ARHGAP24: variants seen among roughly 807,000 people sequenced by gnomAD.
ARHGAP24 encodes the protein Rho GTPase activating protein 24, also known as rho GTPase-activating protein 24.
ARHGAP24 carries 50 observed loss-of-function variants against 76.4 expected under a neutral mutation model. That is an observed-to-expected ratio of 0.65 (90% CI 0.52 to 0.83). ARHGAP24 has a LOEUF of 0.83. ARHGAP24 is among the 40% of genes least tolerant of loss of function. The pLI, the probability that ARHGAP24 is intolerant of heterozygous loss-of-function variation, is 0.00. For synonymous variants in ARHGAP24, 345 were observed against 323.3 expected (o/e 1.07, Z -0.72); for missense variants, 930 against 914.2 (o/e 1.02, Z -0.22).
At chr4:85,676,570 G>C (rs1722988044) in intron 2 of ARHGAP24, among the ~76,000 whole-genome samples, 1 of 152,128 alleles carries the variant, frequency 6.6e-6, no homozygotes, top group Non-Finnish European at 1.5e-5. Flanking sequence ...ACTGAACAAG[G>C]AGTTAGGAAA....
chr4:85,622,923 T>A (rs574040816), intron 2 of ARHGAP24, among the ~76,000 whole-genome samples: 1 of 152,110 alleles, frequency 6.6e-6, no homozygotes, highest in Non-Finnish European at 1.5e-5. Context: ...TCATATCCTT[T>A]GCCCACTTTT....
intron 2 of ARHGAP24, among the ~76,000 whole-genome samples, chr4:85,586,042 C>T (rs1485348364): frequency 2.0e-5 from 3 of 152,178 alleles, no homozygotes; most frequent in Non-Finnish European, 4.4e-5. Flanking sequence ...TCTCCATTCT[C>T]TCTCTCAGAA....
chr4:85,557,868 A>G (rs1030073046), intron 1 of ARHGAP24, among the ~76,000 whole-genome samples: 3 of 152,094 alleles, frequency 2.0e-5, no homozygotes, highest in African/African-American at 7.2e-5. Context: ...TTTATCTTTA[A>G]TGAAGTGTAC....
chr4:85,937,101 A>G (rs1047904053), intron 4 of ARHGAP24, among the ~76,000 whole-genome samples: 2 of 152,226 alleles, frequency 1.3e-5, no homozygotes, highest in African/African-American at 4.8e-5. Flanking sequence ...TCCGATTGAA[A>G]TATTACAAAG....
chr4:85,995,328 C>A lies in ARHGAP24; in HGVS notation c.1674C>A (p.Ser558=). ...TTGACAGTGCTACCTGGTCCACTTCCTCCTGTGAAATCTCCCTCCCTGAGA... is the reference window on the plus strand; with the variant it reads ...TTGACAGTGCTACCTGGTCCACTTCATCCTGTGAAATCTCCCTCCCTGAGA... ...QSIDSATWST[S]SCEISLPENS... The change falls in exon 9 of 10, where the codon TCC becomes TCA. Residue 558 remains serine (S), a synonymous_variant. Coordinates refer to ENST00000395184, the MANE Select transcript of ARHGAP24 (RefSeq NM_001025616.3). 1 of 1,614,070 alleles carries A rather than the reference C, an allele frequency of 6.2e-7. No homozygotes were observed. Among genetic ancestry groups the A allele is most frequent in the Non-Finnish European group, 8.5e-7 (1 of 1,180,032 alleles).
At chr4:85,649,037 T>G (rs72656217) in intron 2 of ARHGAP24, among the ~76,000 whole-genome samples, 25 of 111,164 alleles carry the variant, frequency 2.2e-4, no homozygotes, top group African/African-American at 7.8e-4. Context: ...GTGTGTGTGT[T>G]TGTGTGTGTG....
chr4:85,840,323 C>A (rs1730530591), intron 3 of ARHGAP24, among the ~76,000 whole-genome samples: 1 of 152,126 alleles, frequency 6.6e-6, no homozygotes, highest in Non-Finnish European at 1.5e-5. Context: ...ACTTAAGGAA[C>A]ATAAGGAATC....
chr4:85,692,609 C>A (rs1723707767), intron 2 of ARHGAP24, among the ~76,000 whole-genome samples: 1 of 152,022 alleles, frequency 6.6e-6, no homozygotes, highest in Non-Finnish European at 1.5e-5. Flanking sequence ...TTGATCTATT[C>A]TTCTGTTAAT....
chr4:85,610,643 T>G (rs1016422500), intron 2 of ARHGAP24, among the ~76,000 whole-genome samples: 1 of 151,496 alleles, frequency 6.6e-6, no homozygotes, highest in Non-Finnish European at 1.5e-5. Flanking sequence ...GGGGAAAAAG[T>G]GTCACACTGA....
chr4:85,659,061 C>T (rs1397130499), intron 2 of ARHGAP24, among the ~76,000 whole-genome samples: 3 of 152,254 alleles, frequency 2.0e-5, no homozygotes, highest in East Asian at 3.9e-4. Context: ...TATTTGACAA[C>T]GTCTGGAGAC....
chr4:85,667,117 C>A (rs1722655217), intron 2 of ARHGAP24, among the ~76,000 whole-genome samples: 1 of 152,198 alleles, frequency 6.6e-6, no homozygotes, highest in Admixed American at 6.5e-5. Flanking sequence ...CCTACAGAGG[C>A]AGGCAGGCCT....
At chr4:85,534,864 C>G (rs1290629738) in intron 1 of ARHGAP24, among the ~76,000 whole-genome samples, 1 of 150,904 alleles carries the variant, frequency 6.6e-6, no homozygotes, top group African/African-American at 2.4e-5. Flanking sequence ...CATGCTTGCT[C>G]TATCTCCAAC....
intron 2 of ARHGAP24, among the ~76,000 whole-genome samples, chr4:85,643,104 CAT>C (rs1419857682): frequency 3.3e-5 from 5 of 152,082 alleles, no homozygotes; most frequent in Non-Finnish European, 5.9e-5. Flanking sequence ...TCTTTGTGCA[CAT>C]GTTACTTTCT....
intron 3 of ARHGAP24, among the ~76,000 whole-genome samples, chr4:85,729,645 G>A (rs1214629924): frequency 6.6e-6 from 1 of 152,122 alleles, no homozygotes; most frequent in Non-Finnish European, 1.5e-5. Flanking sequence ...TTTCTGGAAA[G>A]ATCCAGGAGT....
At chr4:85,946,216 A>G (rs945524919) in intron 5 of ARHGAP24, among the ~76,000 whole-genome samples, 3 of 152,218 alleles carry the variant, frequency 2.0e-5, no homozygotes, top group Non-Finnish European at 4.4e-5. Flanking sequence ...TGGGAATTAC[A>G]ATTCAAAATG....
chr4:85,842,976 C>T (rs1419594291), intron 3 of ARHGAP24, among the ~76,000 whole-genome samples: 1 of 152,180 alleles, frequency 6.6e-6, no homozygotes, highest in East Asian at 1.9e-4. Flanking sequence ...GAGATTCTGA[C>T]TCAAAGGGCA....
At chr4:85,565,440 T>C (rs1726802308) in intron 1 of ARHGAP24, among the ~76,000 whole-genome samples, 1 of 152,198 alleles carries the variant, frequency 6.6e-6, no homozygotes. Context: ...CACTGTTTCT[T>C]TGACTGATTG....
At chr4:85,931,921 G>GT (rs1253654250) in intron 4 of ARHGAP24, among the ~76,000 whole-genome samples, 1 of 151,864 alleles carries the variant, frequency 6.6e-6, no homozygotes, top group Non-Finnish European at 1.5e-5. Flanking sequence ...ATCTAGGGTT[G>GT]TTTTTTCTCC....
intron 1 of ARHGAP24, among the ~76,000 whole-genome samples, chr4:85,537,977 G>C (rs1173245016): frequency 6.6e-6 from 1 of 151,666 alleles, no homozygotes; most frequent in Non-Finnish European, 1.5e-5. Context: ...AGTATGACTT[G>C]ATAATTTAGG....
Sources: allele counts gnomAD v4.1 joint callset (sites outside exome capture counted in the v4.1 genomes callset), GRCh38; gene constraint gnomAD v4.1.1; transcripts MANE v1.5; gene names NCBI Gene and HGNC (gene_info 2026-07-23, HGNC 2026-07-21).